Variants in EBF1 observed in about 807,000 individuals in gnomAD.
The protein encoded by EBF1 is EBF transcription factor 1.
In EBF1, 10 loss-of-function variants were observed where a neutral mutation model predicts 68.4. That is an observed-to-expected ratio of 0.15 (90% CI 0.09 to 0.25). The LOEUF is 0.25. EBF1 is among the 10% of genes least tolerant of loss of function. The pLI is 1.00. For missense variants in EBF1, 509 were observed against 794.4 expected (o/e 0.64, Z 4.32); for synonymous variants, 298 against 299.8 (o/e 0.99, Z 0.06).
In EBF1 at chr5:158,816,057, G is replaced by A. The variant is rs189325893; in HGVS notation, c.778+7119C>T. Among the ~76,000 whole-genome samples, 3 of 152,306 alleles carry A rather than the reference G, an allele frequency of 2.0e-5. No homozygotes were observed. The East Asian group carries it at 5.8e-4, about 29-fold the overall frequency. On this transcript the variant is annotated intron_variant, in intron 8 of 15. Transcript: ENST00000313708. ...CATGCCACCCTCAGTCACAAAAGAT[G>A]ACACCAATATTTTTCTACTTAGCCT...
intron 6 of EBF1, among the ~76,000 whole-genome samples, chr5:159,068,395 ATGG>A (rs1561936127): frequency 4.0e-4 from 57 of 143,660 alleles, no homozygotes; most frequent in Middle Eastern, 3.2e-3. Context: ...GGATGGATGG[ATGG>A]ATGGATGGAT....
intron 6 of EBF1, among the ~76,000 whole-genome samples, chr5:159,020,911 T>C (rs1015944480): frequency 5.3e-5 from 8 of 152,248 alleles, no homozygotes; most frequent in Non-Finnish European, 1.0e-4. Context: ...TATAGTATAA[T>C]AGTTATGAAT....
chr5:158,757,290 G>A (rs891520181), intron 10 of EBF1, among the ~76,000 whole-genome samples: 2 of 152,090 alleles, frequency 1.3e-5, no homozygotes, highest in African/African-American at 4.8e-5. Flanking sequence ...TTCCCTTGTA[G>A]GCTTACCCCT....
At chr5:158,804,390 A>G (rs1400539363) in intron 8 of EBF1, among the ~76,000 whole-genome samples, 2 of 151,970 alleles carry the variant, frequency 1.3e-5, no homozygotes, top group African/African-American at 2.4e-5. Flanking sequence ...AATTAGCAAA[A>G]TTTTTCAACA....
intron 9 of EBF1, among the ~76,000 whole-genome samples, chr5:158,795,993 C>T (rs1346548352): frequency 6.6e-6 from 1 of 152,100 alleles, no homozygotes; most frequent in African/African-American, 2.4e-5. Context: ...ACAGATTACA[C>T]CCTTGCTAAA....
chr5:158,978,245 G>A (rs1226800134), intron 6 of EBF1, among the ~76,000 whole-genome samples: 2 of 152,240 alleles, frequency 1.3e-5, no homozygotes, highest in Admixed American at 6.5e-5. Flanking sequence ...ACATGCGGCC[G>A]CTGTGAGGCT....
chr5:158,788,689 T>A (rs1218492742), intron 9 of EBF1, among the ~76,000 whole-genome samples: 3 of 152,200 alleles, frequency 2.0e-5, no homozygotes, highest in Non-Finnish European at 4.4e-5. Flanking sequence ...AAAAGTCACA[T>A]GACTGCAGCC....
intron 6 of EBF1, among the ~76,000 whole-genome samples, chr5:159,032,267 G>A (rs768743445): frequency 6.6e-5 from 10 of 152,150 alleles, no homozygotes; most frequent in African/African-American, 9.7e-5. Flanking sequence ...GATTATCTCC[G>A]TTGTACAAAT....
chr5:158,773,068 T>TC (rs1774220707), intron 10 of EBF1, among the ~76,000 whole-genome samples: 1 of 151,502 alleles, frequency 6.6e-6, no homozygotes, highest in Non-Finnish European at 1.5e-5. Context: ...CGAGGTACTA[T>TC]CCCCTTAGGA....
intron 4 of EBF1, among the ~76,000 whole-genome samples, chr5:159,093,702 T>C (rs2128000806): frequency 6.6e-6 from 1 of 152,244 alleles, no homozygotes; most frequent in East Asian, 1.9e-4. Flanking sequence ...CATCCCATAA[T>C]GGGAAAATCA....
chr5:158,978,954 T>C (rs112365935), intron 6 of EBF1, among the ~76,000 whole-genome samples: 4 of 152,196 alleles, frequency 2.6e-5, no homozygotes, highest in African/African-American at 7.2e-5. Context: ...CAAATATGCA[T>C]CCTTTCTTTG....
chr5:158,882,228 C>T (rs1397641556), intron 6 of EBF1, among the ~76,000 whole-genome samples: 1 of 152,148 alleles, frequency 6.6e-6, no homozygotes, highest in African/African-American at 2.4e-5. Context: ...TTCAAGCAGG[C>T]TTGGCTTTCA....
intron 6 of EBF1, among the ~76,000 whole-genome samples, chr5:158,949,635 T>A (rs1299635870): frequency 6.6e-6 from 1 of 152,218 alleles, no homozygotes; most frequent in Non-Finnish European, 1.5e-5. Flanking sequence ...CCACACCCAA[T>A]CTAGACATGG....
At chr5:158,880,561 G>GAGTC (rs1179945216) in intron 6 of EBF1, among the ~76,000 whole-genome samples, 3 of 152,126 alleles carry the variant, frequency 2.0e-5, no homozygotes, top group Non-Finnish European at 2.9e-5. Flanking sequence ...CTCTCCCTTA[G>GAGTC]AGTCATTTGC....
chr5:158,779,078 A>G (rs1775894509), intron 9 of EBF1, among the ~76,000 whole-genome samples: 1 of 152,138 alleles, frequency 6.6e-6, no homozygotes, highest in Non-Finnish European at 1.5e-5. Context: ...GTGAAAGATG[A>G]TCTTCCCCAA....
At chr5:159,095,823 G>A in intron 3 of EBF1, 148 bp from the exon 4 acceptor site, 1 of 809,460 alleles carries the variant, frequency 1.2e-6, no homozygotes, top group Non-Finnish European at 2.0e-6. Context: ...AACTCCCACT[G>A]TCCTGGAAAA....
chr5:158,696,111 G>GACTT lies in EBF1; in HGVS notation c.*2996_*2999dup, dbSNP rs1156613411. On this transcript the variant is annotated 3_prime_UTR_variant, in exon 16 of 16. Coordinates refer to ENST00000313708, the MANE Select transcript of EBF1 (RefSeq NM_024007.5). ...GTGAAAGGTTAGTAGATTTAGAGAT[G>GACTT]ACTTCATTTAAGCTGCATCCTAGTA... The GACTT allele has an allele frequency of 4.7e-6, 1 of 214,234 alleles. No individual in the cohort carries two copies. Among genetic ancestry groups the GACTT allele is most frequent in the African/African-American group, 2.3e-5 (1 of 44,246 alleles). 13.3% of individuals were successfully genotyped at this position (214,234 alleles called of 1,614,324 possible).
chr5:158,858,886 G>T (rs146496958), intron 6 of EBF1, among the ~76,000 whole-genome samples: 2,869 of 152,232 alleles, frequency 0.019, 34 homozygotes, highest in Middle Eastern at 0.031. Context: ...TGAGGTCAGG[G>T]GTGGGGCCGG....
chr5:159,097,903 C>T (rs560004128), intron 1 of EBF1, among the ~76,000 whole-genome samples: 1 of 152,162 alleles, frequency 6.6e-6, no homozygotes, highest in South Asian at 2.1e-4. Flanking sequence ...CACTGACAGC[C>T]GGACCTGCCC....
Sources: allele counts gnomAD v4.1 joint callset (sites outside exome capture counted in the v4.1 genomes callset), GRCh38; gene constraint gnomAD v4.1.1; transcripts MANE v1.5; gene names NCBI Gene and HGNC (gene_info 2026-07-23, HGNC 2026-07-21).